GATAD2A: variants seen among roughly 807,000 people sequenced by gnomAD.
The protein encoded by GATAD2A is transcriptional repressor p66-alpha.
In GATAD2A, 12 loss-of-function variants were observed where a neutral mutation model predicts 68.5. That is an observed-to-expected ratio of 0.18 (90% CI 0.11 to 0.28). GATAD2A has a LOEUF of 0.28. GATAD2A is among the 10% of genes least tolerant of loss of function. The pLI is 1.00. For synonymous variants in GATAD2A, 410 were observed against 375.3 expected (o/e 1.09, Z -1.07); for missense variants, 755 against 868.5 (o/e 0.87, Z 1.64).
chr19:19,456,070 A>C (rs1282635946), intron 1 of GATAD2A, among the ~76,000 whole-genome samples: 1 of 150,158 alleles, frequency 6.7e-6, no homozygotes, highest in Non-Finnish European at 1.5e-5. Flanking sequence ...AGGAGAATGG[A>C]GTGAACACGG....
At position 19,426,223 on chromosome 19, in the gene GATAD2A, A is replaced by G. The variant is rs573722365; in HGVS notation, c.-7+20204A>G. On this transcript the variant is annotated intron_variant, in intron 1 of 11. Coordinates refer to ENST00000683918, the MANE Select transcript of GATAD2A (RefSeq NM_001384528.1). ...TCATACCCAGCCGTGGGTCCATATA[A>G]GTCTTCGTGTGTCTAGCTTGGGTGC... Among the ~76,000 whole-genome samples, 17 of 152,254 alleles carry G rather than the reference A, an allele frequency of 1.1e-4. No individual in the cohort carries two copies. In the South Asian group the frequency reaches 3.5e-3, roughly 32 times the overall value.
At chr19:19,425,113 A>T (rs970628867) in intron 1 of GATAD2A, among the ~76,000 whole-genome samples, 5 of 152,066 alleles carry the variant, frequency 3.3e-5, no homozygotes, top group African/African-American at 1.2e-4. Context: ...ATAAGAATAG[A>T]ATAACTGGAG....
chr19:19,411,965 G>A (rs1568709587), intron 1 of GATAD2A, among the ~76,000 whole-genome samples: 1 of 152,188 alleles, frequency 6.6e-6, no homozygotes, highest in South Asian at 2.1e-4. Flanking sequence ...AAGGCCGGGC[G>A]CGGCAGCTCA....
chr19:19,415,496 C>A (rs1447579964), intron 1 of GATAD2A, among the ~76,000 whole-genome samples: 1 of 150,800 alleles, frequency 6.6e-6, no homozygotes, highest in East Asian at 2.0e-4. Context: ...GTTGCCCAGG[C>A]TGGAATGCAG....
At chr19:19,422,726 T>G (rs1180170279) in intron 1 of GATAD2A, among the ~76,000 whole-genome samples, 1 of 151,786 alleles carries the variant, frequency 6.6e-6, no homozygotes, top group Admixed American at 6.6e-5. Flanking sequence ...GTTTTTTTTT[T>G]TTTGAGATGG....
intron 2 of GATAD2A, among the ~76,000 whole-genome samples, chr19:19,489,055 G>A (rs1215688797): frequency 1.3e-5 from 2 of 152,230 alleles, no homozygotes. Flanking sequence ...TGAGCCACAT[G>A]CTCTTTTTCC....
intron 1 of GATAD2A, 51 bp from the exon 2 acceptor site, chr19:19,465,289 G>A (rs763414429): frequency 2.9e-6 from 4 of 1,378,256 alleles, no homozygotes; most frequent in Non-Finnish European, 2.1e-6. Flanking sequence ...CAAGAAGGTG[G>A]CACCTTCATT....
chr19:19,470,738 A>G (rs2058239105), intron 2 of GATAD2A, among the ~76,000 whole-genome samples: 3 of 150,636 alleles, frequency 2.0e-5, no homozygotes, highest in Admixed American at 1.3e-4. Flanking sequence ...AGGCTCCAGT[A>G]TAGCTGTAAA....
At chr19:19,485,615 C>T (rs1167314301) in intron 2 of GATAD2A, among the ~76,000 whole-genome samples, 1 of 152,194 alleles carries the variant, frequency 6.6e-6, no homozygotes, top group African/African-American at 2.4e-5. Flanking sequence ...CTTCTGTGAC[C>T]TCACCTGAAA....
chr19:19,398,948 A>T (rs2146936550), intron 1 of GATAD2A, among the ~76,000 whole-genome samples: 2 of 152,200 alleles, frequency 1.3e-5, no homozygotes, highest in East Asian at 3.9e-4. Context: ...AATCCCAGCT[A>T]CTTGGGAGGC....
intron 2 of GATAD2A, among the ~76,000 whole-genome samples, chr19:19,479,708 G>A (rs760693325): frequency 3.3e-5 from 5 of 152,088 alleles, no homozygotes; most frequent in Non-Finnish European, 7.4e-5. Context: ...TTGAATGAAC[G>A]ATCGTTTTGG....
At chr19:19,388,640 G>A (rs1025648344) in intron 1 of GATAD2A, among the ~76,000 whole-genome samples, 1 of 151,848 alleles carries the variant, frequency 6.6e-6, no homozygotes, top group African/African-American at 2.4e-5. Flanking sequence ...TCACAGTGTT[G>A]TCAGGCCTTT....
chr19:19,441,319 A>G (rs2055046284), intron 1 of GATAD2A, among the ~76,000 whole-genome samples: 1 of 152,238 alleles, frequency 6.6e-6, no homozygotes, highest in Non-Finnish European at 1.5e-5. Flanking sequence ...ATAAGTAAGT[A>G]ATGTCATTAA....
intron 1 of GATAD2A, among the ~76,000 whole-genome samples, chr19:19,406,414 G>C (rs1756027147): frequency 6.6e-6 from 1 of 151,416 alleles, no homozygotes; most frequent in South Asian, 2.1e-4. Context: ...GCTCAGGGGC[G>C]GGGGTCCGGG....
At chr19:19,417,730 A>T (rs1169672574) in intron 1 of GATAD2A, among the ~76,000 whole-genome samples, 4 of 152,234 alleles carry the variant, frequency 2.6e-5, no homozygotes, top group African/African-American at 9.6e-5. Context: ...GGCCATTGAT[A>T]AAAGGCAGGC....
At position 19,492,866 on chromosome 19, in the gene GATAD2A, A is replaced by C. The variant is rs140440189; in HGVS notation, c.534+154A>C. On this transcript the variant is annotated intron_variant, in intron 4 of 11. Coordinates refer to ENST00000683918, the MANE Select transcript of GATAD2A (RefSeq NM_001384528.1). ...CCCGCATTTGTGGACTCCAGTGTGC[A>C]TTTTGGATTCAGCTTACAAGATGTT... 6.2e-3 allele frequency among the ~76,000 whole-genome samples: 947 copies of C among 151,618 alleles called. 9 individuals carry two copies. The highest frequency in any genetic ancestry group is 0.022 in the African/African-American group (890 of 41,296).
intron 9 of GATAD2A, 133 bp from the exon 10 acceptor site, chr19:19,501,836 C>T (rs751136171): frequency 2.9e-6 from 2 of 680,324 alleles, no homozygotes; most frequent in Non-Finnish European, 2.6e-6. Flanking sequence ...ATTCACTAAA[C>T]GCATTTTCTC....
At chr19:19,454,199 G>C (rs965993025) in intron 1 of GATAD2A, among the ~76,000 whole-genome samples, 3 of 114,616 alleles carry the variant, frequency 2.6e-5, no homozygotes, top group Non-Finnish European at 5.2e-5. Flanking sequence ...GTTTCTCCAT[G>C]TTGGTCAGCT....
Position 19,505,372 on chromosome 19 carries a change from C to G in GATAD2A, c.1803C>G (p.Ser601Arg). The change falls in exon 12 of 12, where the codon AGC becomes AGG. Residue 601 changes from serine (S) to arginine (R), a missense_variant. Physicochemically the swap from Ser to Arg is moderately radical, Grantham distance 110 (BLOSUM62 -1). Coordinates refer to ENST00000683918, the MANE Select transcript of GATAD2A (RefSeq NM_001384528.1). ...GGACCCTTGCGTTTGTCAGCCCAAGCCTGGCGGTGCACAAGAGCTCCTCGG... is the reference window on the plus strand; with the variant it reads ...GGACCCTTGCGTTTGTCAGCCCAAGGCTGGCGGTGCACAAGAGCTCCTCGG... ...TGGTLAFVSP[S>R]LAVHKSSSAV... is the part of the protein sequence containing the mutation. The G allele has an allele frequency of 6.2e-7, 1 of 1,613,332 alleles. No individual in the cohort carries two copies. Among genetic ancestry groups the G allele is most frequent in the Non-Finnish European group, 8.5e-7 (1 of 1,179,720 alleles).
Sources: allele counts gnomAD v4.1 joint callset (sites outside exome capture counted in the v4.1 genomes callset), GRCh38; gene constraint gnomAD v4.1.1; transcripts MANE v1.5; gene names NCBI Gene and HGNC (gene_info 2026-07-23, HGNC 2026-07-21).